Variants in RYR2 observed in about 807,000 individuals in gnomAD.
RYR2 encodes cardiac muscle ryanodine receptor-calcium release channel.
A neutral mutation model predicts 601.1 loss-of-function variants in RYR2; 227 were observed. The observed-to-expected ratio is 0.38, with a 90% CI of 0.34 to 0.42. The LOEUF (loss-of-function observed/expected upper bound fraction) is 0.42, where lower values mean the gene tolerates loss of function less well. RYR2 is among the 10% of genes least tolerant of loss of function. RYR2 has a pLI of 1.00. For synonymous variants in RYR2, 2,223 were observed against 2,175.1 expected (o/e 1.02, Z -0.61); for missense variants, 4,646 against 6,156.5 (o/e 0.75, Z 8.21).
rs549302816 is a variant in RYR2 at position 237,270,341 on chromosome 1, C to T, written c.49-156C>T. 2.3e-3 allele frequency: 2,443 copies of T among 1,047,480 alleles called. 54 individuals are homozygous for T. The South Asian group carries it at 0.031, about 13-fold the overall frequency. 64.9% of individuals were successfully genotyped at this position (1,047,480 alleles called of 1,614,324 possible). A position where few individuals can be genotyped will look rare whatever the true frequency, so the allele number is the denominator to read the frequency against. ...TAAAAAGTACGTGAGGGATTGATTCCGTAGGGGTTTCTTTTGGTTGTTTTT... is the reference window on the plus strand; with the variant it reads ...TAAAAAGTACGTGAGGGATTGATTCTGTAGGGGTTTCTTTTGGTTGTTTTT... On this transcript the variant is annotated intron_variant, in intron 1 of 104. Coordinates refer to ENST00000366574, the MANE Select transcript of RYR2 (RefSeq NM_001035.3).
chr1:237,784,539 T>C lies in RYR2; in HGVS notation c.12827T>C (p.Val4276Ala), dbSNP rs1209323203. 2 of 1,613,808 alleles carry C rather than the reference T, an allele frequency of 1.2e-6. No homozygotes were observed. The highest frequency in any genetic ancestry group is 1.1e-5 in the South Asian group (1 of 91,086). ...KQMKKVKKMT[V>A]KDMVTAFFSS... Reference sequence around the variant, plus strand: ...ATGAAAAAAGTAAAAAAGATGACCGTGAAGGACATGGTCACGGCCTTCTTT... The same window carrying C: ...ATGAAAAAAGTAAAAAAGATGACCGCGAAGGACATGGTCACGGCCTTCTTT... The change falls in exon 90 of 105, where the codon GTG (valine) becomes GCG (alanine). Residue 4276 changes from valine (V) to alanine (A), a missense_variant. Val to Ala is a moderately conservative substitution (Grantham distance 64). Transcript: ENST00000366574. This position sits in a 1 kb window ranked among gnomAD's most constrained non-coding sequence, Gnocchi z 7.1.
At chr1:237,158,970 G>A (rs779255273) in intron 1 of RYR2, among the ~76,000 whole-genome samples, 17 of 152,234 alleles carry the variant, frequency 1.1e-4, no homozygotes, top group Non-Finnish European at 2.5e-4. Context: ...ACACGGTAGT[G>A]TAAGTCATCC....
intron 79 of RYR2, among the ~76,000 whole-genome samples, chr1:237,735,283 T>G (rs1337775935): frequency 6.6e-6 from 1 of 152,158 alleles, no homozygotes; most frequent in African/African-American, 2.4e-5. Context: ...AGAAATAGTA[T>G]AGTTGTTTCT....
At chr1:237,410,041 A>G (rs973257063) in intron 10 of RYR2, among the ~76,000 whole-genome samples, 4 of 152,188 alleles carry the variant, frequency 2.6e-5, no homozygotes, top group African/African-American at 7.2e-5. Context: ...ATAGTTCTGT[A>G]TCATTTCCCC....
chr1:237,127,384 C>T (rs1326799349), intron 1 of RYR2, among the ~76,000 whole-genome samples: 1 of 151,336 alleles, frequency 6.6e-6, no homozygotes, highest in Non-Finnish European at 1.5e-5. Context: ...CCCCTCACCT[C>T]CCGGACGGGG....
intron 89 of RYR2, 128 bp downstream of exon 89, chr1:237,781,774 G>A (rs1017252093): frequency 4.2e-5 from 19 of 453,140 alleles, no homozygotes; most frequent in Non-Finnish European, 7.1e-5. Context: ...TGGATTTCTT[G>A]CTGGCTTATT....
At chr1:237,629,013 A>C (rs1416749396) in intron 41 of RYR2, among the ~76,000 whole-genome samples, 1 of 152,176 alleles carries the variant, frequency 6.6e-6, no homozygotes, top group Non-Finnish European at 1.5e-5. Context: ...GATATTTCAG[A>C]ATATTTACTT....
At position 237,711,771 on chromosome 1, in the gene RYR2, C is replaced by A; in HGVS notation, c.10257C>A (p.Phe3419Leu). Residue 3419 changes from phenylalanine (F) to leucine (L), a missense_variant, in exon 71 of 105, where the codon TTC becomes TTA. Coordinates refer to ENST00000366574, the MANE Select transcript of RYR2 (RefSeq NM_001035.3). Reference protein sequence around the residue: ...SHNFKREEQNFVVQNEINNMS... With the variant: ...SHNFKREEQNLVVQNEINNMS... ...ATTTCAAAAGAGAAGAGCAGAACTT[C>A]GTTGTACAGAATGAAATCAACAATA... is the stretch of plus-strand genomic sequence containing the variant. The A allele has an allele frequency of 1.3e-6, 2 of 1,587,240 alleles. No individual in the cohort carries two copies. The highest frequency in any genetic ancestry group is 1.7e-6 in the Non-Finnish European group (2 of 1,158,460).
At chr1:237,679,494 T>A (rs1447799346) in intron 61 of RYR2, among the ~76,000 whole-genome samples, 2 of 152,160 alleles carry the variant, frequency 1.3e-5, no homozygotes, top group Admixed American at 1.3e-4. Context: ...TGAATACTGG[T>A]AGTGCCGATC....
At chr1:237,659,368 A>G (rs1169870356) in intron 54 of RYR2, among the ~76,000 whole-genome samples, 1 of 152,194 alleles carries the variant, frequency 6.6e-6, no homozygotes, top group African/African-American at 2.4e-5. Flanking sequence ...TTTCCAGTCT[A>G]ATTACTCAGA....
intron 56 of RYR2, among the ~76,000 whole-genome samples, chr1:237,662,002 C>T (rs1229829225): frequency 2.0e-5 from 3 of 151,900 alleles, no homozygotes; most frequent in South Asian, 2.1e-4. Flanking sequence ...CCTCAGCTCA[C>T]TATGTATGTG....
At chr1:237,499,540 C>A (rs991205482) in intron 20 of RYR2, among the ~76,000 whole-genome samples, 4 of 152,052 alleles carry the variant, frequency 2.6e-5, no homozygotes. Flanking sequence ...AGAAACTAGA[C>A]CTTTTTCTGC....
chr1:237,246,220 C>T (rs917500465), intron 1 of RYR2, among the ~76,000 whole-genome samples: 1 of 152,106 alleles, frequency 6.6e-6, no homozygotes, highest in Non-Finnish European at 1.5e-5. Context: ...CTCAGCCTCC[C>T]AAGTAGCTGG....
intron 96 of RYR2, 82 bp from the exon 97 acceptor site, chr1:237,797,955 A>ATAAT (rs2149403685): frequency 8.1e-7 from 1 of 1,239,960 alleles, no homozygotes; most frequent in East Asian, 2.6e-5. Context: ...AAGTATAAAA[A>ATAAT]TAATTAGATG....
At chr1:237,787,170 TTTTA>T (rs1243574267) in intron 91 of RYR2, among the ~76,000 whole-genome samples, 4 of 139,682 alleles carry the variant, frequency 2.9e-5, no homozygotes, top group South Asian at 2.4e-4. Flanking sequence ...ATTCACTTTA[TTTTA>T]TTTAATAAAA....
At chr1:237,500,139 G>A (rs988469442) in intron 20 of RYR2, among the ~76,000 whole-genome samples, 10 of 152,094 alleles carry the variant, frequency 6.6e-5, no homozygotes, top group African/African-American at 2.4e-5. Context: ...CATATTTTCT[G>A]CTTTCGTTAT....
In RYR2 at chr1:237,420,516, C is replaced by CCT. The variant is rs199707915; in HGVS notation, c.849-2575_849-2574dup. Among the ~76,000 whole-genome samples the CCT allele has an allele frequency of 8.5e-3, 1,297 of 152,208 alleles. 26 individuals carry two copies. The highest frequency in any genetic ancestry group is 0.03 in the African/African-American group (1,246 of 41,512). Reference sequence around the variant, plus strand: ...GTTTTTACTACATATGATTTTCTTGCCTTGCCCTCTCATTTGGGAGGAGGT... The same window carrying CCT: ...GTTTTTACTACATATGATTTTCTTGCCTCTTGCCCTCTCATTTGGGAGGAGGT... On this transcript the variant is annotated intron_variant, in intron 11 of 104. Coordinates refer to ENST00000366574, the MANE Select transcript of RYR2 (RefSeq NM_001035.3).
chr1:237,289,382 C>G (rs1156739424), intron 2 of RYR2, among the ~76,000 whole-genome samples: 1 of 152,176 alleles, frequency 6.6e-6, no homozygotes, highest in Non-Finnish European at 1.5e-5. Context: ...AGACCTGAGA[C>G]TGGATAATTT....
chr1:237,607,277 A>G (rs1677236175), intron 35 of RYR2, among the ~76,000 whole-genome samples: 1 of 152,166 alleles, frequency 6.6e-6, no homozygotes, highest in Non-Finnish European at 1.5e-5. Context: ...CTTTGTAGGG[A>G]CATGGATGAA....
Sources: gnomAD v4.1 joint callset for allele counts (sites outside exome capture counted in the v4.1 genomes callset) on GRCh38, gnomAD v4.1.1 for gene constraint, Gnocchi (gnomAD v3.1) non-coding constraint, MANE v1.5 for transcripts, NCBI Gene and HGNC (gene_info 2026-07-23, HGNC 2026-07-21) for gene names.